The following PAM variants were observed in gnomAD, a reference collection of about 807,000 sequenced individuals.
PAM encodes peptidyl-glycine alpha-amidating monooxygenase.
PAM carries 72 observed loss-of-function variants against 122.1 expected under a neutral mutation model. The observed-to-expected ratio is 0.59, with a 90% CI of 0.49 to 0.72. The LOEUF (loss-of-function observed/expected upper bound fraction) is 0.72, where lower values mean the gene tolerates loss of function less well. Among genes scored for constraint, PAM ranks in the 30% least tolerant of loss-of-function variants. The pLI is 0.00. For missense variants in PAM, 1,106 were observed against 1,183.7 expected, an observed-to-expected ratio of 0.93 and a Z score of 0.96; for synonymous variants, 389 against 404.4, an observed-to-expected ratio of 0.96 and a Z score of 0.46.
At chr5:102,795,675 G>A (rs973872806) in intron 1 of PAM, among the ~76,000 whole-genome samples, 16 of 152,178 alleles carry the variant, frequency 1.1e-4, no homozygotes, top group Admixed American at 5.9e-4. Context: ...TATTTGTGCT[G>A]CTGCCGTGTG....
At chr5:102,964,870 G>A (rs570415753) in intron 14 of PAM, among the ~76,000 whole-genome samples, 97 of 151,686 alleles carry the variant, frequency 6.4e-4, no homozygotes, top group African/African-American at 2.2e-3. Context: ...TGCATAATAC[G>A]TGCATATTCC....
chr5:102,831,696 T>G (rs189151298), intron 1 of PAM, among the ~76,000 whole-genome samples: 39 of 152,290 alleles, frequency 2.6e-4, no homozygotes, highest in Admixed American at 2.4e-3. Flanking sequence ...CTAACATTGT[T>G]GGCACACAGT....
Position 103,019,842 on chromosome 5 carries a change from AG to A in PAM, c.2485+1del. 2 of 1,595,564 alleles carry A rather than the reference AG, an allele frequency of 1.3e-6. No homozygotes were observed. Among genetic ancestry groups the A allele is most frequent in the Non-Finnish European group, 1.7e-6 (2 of 1,163,244 alleles). ...KAGIEVQEIK[E>X]AEAVVETKME... ...CTGGCATTGAGGTCCAGGAAATCAA[AG>A]GTTGGTCAGATTCCTCTTATTACTA... is the stretch of plus-strand genomic sequence containing the variant. On this transcript the variant is annotated frameshift_variant and splice_region_variant, in exon 23 of 26. Transcript: ENST00000438793. LOFTEE classifies it high-confidence loss of function.
At chr5:102,781,162 A>G (rs1006145161) in intron 1 of PAM, among the ~76,000 whole-genome samples, 3 of 152,072 alleles carry the variant, frequency 2.0e-5, no homozygotes, top group African/African-American at 7.2e-5. Flanking sequence ...TATTGCTAAC[A>G]TTTTTGGGCC....
intron 1 of PAM, among the ~76,000 whole-genome samples, chr5:102,816,383 G>A (rs709375): frequency 0.68 from 103,182 of 152,012 alleles, 35,277 homozygotes; most frequent in South Asian, 0.8. Flanking sequence ...ACACAGGACT[G>A]TGATGCCACA....
rs559030600 is a variant in PAM at position 103,007,182 on chromosome 5, C to T, written c.2014+171C>T. On this transcript the variant is annotated intron_variant, in intron 19 of 25. Transcript: ENST00000438793. Reference sequence around the variant, plus strand: ...CTTGTCTCTCACACACACACACACACACATATACATACACACACACACACA... The same window carrying T: ...CTTGTCTCTCACACACACACACACATACATATACATACACACACACACACA... Among the ~76,000 whole-genome samples the T allele has an allele frequency of 1.0e-3, 137 of 137,416 alleles. 1 individual carries two copies. Among genetic ancestry groups the T allele is most frequent in the African/African-American group, 3.8e-3 (134 of 35,422 alleles). The allele number at this position is 137,416 out of a possible 152,430, so 90.2% of individuals were successfully genotyped here.
chr5:103,002,086 A>C (rs187507714), intron 16 of PAM, among the ~76,000 whole-genome samples: 74 of 152,060 alleles, frequency 4.9e-4, no homozygotes, highest in African/African-American at 1.7e-3. Context: ...TTTTTTGAGA[A>C]GATAACTTGG....
chr5:102,874,529 T>C (rs1788538449), intron 3 of PAM, among the ~76,000 whole-genome samples: 1 of 151,940 alleles, frequency 6.6e-6, no homozygotes, highest in African/African-American at 2.4e-5. Flanking sequence ...AGTATGAGTA[T>C]ACATTGACCA....
At chr5:102,811,639 T>C (rs1767936596) in intron 1 of PAM, among the ~76,000 whole-genome samples, 1 of 152,232 alleles carries the variant, frequency 6.6e-6, no homozygotes, top group African/African-American at 2.4e-5. Context: ...GGGGCCATTA[T>C]TCTACCCGCC....
chr5:102,948,045 C>T (rs1757587545), intron 8 of PAM, among the ~76,000 whole-genome samples: 1 of 152,026 alleles, frequency 6.6e-6, no homozygotes, highest in Admixed American at 6.6e-5. Flanking sequence ...CCCACCCGCA[C>T]TATGGAAAAT....
intron 3 of PAM, among the ~76,000 whole-genome samples, chr5:102,874,086 A>T (rs1033742654): frequency 6.6e-6 from 1 of 152,202 alleles, no homozygotes; most frequent in African/African-American, 2.4e-5. Context: ...TCATTTTACC[A>T]ATGGGAAAGC....
chr5:103,005,219 T>A lies in PAM; in HGVS notation c.1796T>A (p.Leu599His). Residue 599 changes from leucine (L) to histidine (H), a missense_variant, in exon 18 of 26, where the codon CTC (leucine) becomes CAC (histidine). Physicochemically the swap from Leu to His is moderately conservative, Grantham distance 99. This residue lies in a region of PAM where 103 missense variants were observed against 157.9 expected (regional missense o/e 0.65). Transcript: ENST00000438793. ...DGNYWVTDVA[L>H]HQVFKLDPNN... ...AATTATTGGGTCACAGACGTGGCTC[T>A]CCATCAGGTAGTCTTCCTTTTGGTA... 1.5e-6 allele frequency: 2 copies of A among 1,324,382 alleles called. No individual in the cohort carries two copies. Among genetic ancestry groups the A allele is most frequent in the Non-Finnish European group, 2.2e-6 (2 of 917,502 alleles). 82.0% of individuals were successfully genotyped at this position (1,324,382 alleles called of 1,614,324 possible). A position where few individuals can be genotyped will look rare whatever the true frequency, so the allele number is the denominator to read the frequency against.
chr5:102,980,703 A>G (rs1458854368), intron 15 of PAM, among the ~76,000 whole-genome samples: 1 of 152,208 alleles, frequency 6.6e-6, no homozygotes, highest in East Asian at 1.9e-4. Context: ...CACTGGAAGC[A>G]AAAGTATTAA....
At chr5:102,892,659 A>G (rs1333543520) in intron 3 of PAM, among the ~76,000 whole-genome samples, 1 of 151,870 alleles carries the variant, frequency 6.6e-6, no homozygotes, top group Non-Finnish European at 1.5e-5. Context: ...ACCAATTTTA[A>G]GTGTCACCAG....
At chr5:102,780,617 C>T (rs1288221516) in intron 1 of PAM, among the ~76,000 whole-genome samples, 4 of 151,186 alleles carry the variant, frequency 2.6e-5, no homozygotes, top group Non-Finnish European at 5.9e-5. Context: ...CTCCTGCCTA[C>T]TCTTGCTGGC....
At position 102,882,110 on chromosome 5, in the gene PAM, T is replaced by TAC. The variant is rs58732753; in HGVS notation, c.210+14720_210+14721dup. On this transcript the variant is annotated intron_variant, in intron 3 of 25. Transcript: ENST00000438793. ...ATATATATATATATATATATATATA[T>TAC]ACACCACATTTTCTTTATCCACTCA... Among the ~76,000 whole-genome samples, 21 of 103,784 alleles carry TAC rather than the reference T, an allele frequency of 2.0e-4. 1 individual carries two copies. Among genetic ancestry groups the TAC allele is most frequent in the East Asian group, 3.2e-4 (1 of 3,086 alleles). The allele number at this position is 103,784 out of a possible 152,430, so 68.1% of individuals were successfully genotyped here.
intron 15 of PAM, among the ~76,000 whole-genome samples, chr5:102,977,121 A>C (rs980600925): frequency 6.6e-6 from 1 of 152,186 alleles, no homozygotes; most frequent in Non-Finnish European, 1.5e-5. Flanking sequence ...AGTTGACCTG[A>C]GGGTTCAAAG....
chr5:102,881,155 C>CAG (rs1554098799), intron 3 of PAM, among the ~76,000 whole-genome samples: 11 of 151,222 alleles, frequency 7.3e-5, no homozygotes, highest in Non-Finnish European at 1.5e-4. Flanking sequence ...CACACACACA[C>CAG]AGAGACTTCT....
In PAM at chr5:102,913,909, T is replaced by G. The variant is rs1432429977; in HGVS notation, c.269-25T>G. The G allele has an allele frequency of 6.8e-6, 9 of 1,316,840 alleles. No individual in the cohort carries two copies. The African/African-American group carries it at 1.3e-4, about 19-fold the overall frequency. 81.6% of individuals were successfully genotyped at this position (1,316,840 alleles called of 1,614,324 possible). The stretch of plus-strand genomic sequence containing the variant: ...CACAGAAGTGTAACTTGTATTCACA[T>G]ACATGTATTATTTTCTCGTAACAGT... On this transcript the variant is annotated intron_variant, in intron 4 of 25. Transcript: ENST00000438793.
Sources: gnomAD v4.1 joint callset for allele counts (sites outside exome capture counted in the v4.1 genomes callset) on GRCh38, gnomAD v4.1.1 for gene constraint, gnomAD v4.1.1 regional missense constraint, MANE v1.5 for transcripts, NCBI Gene and HGNC (gene_info 2026-07-23, HGNC 2026-07-21) for gene names.